The following CERS5 variants were observed in gnomAD, a reference collection of about 807,000 sequenced individuals.
CERS5 encodes the protein ceramide synthase 5.
Under a neutral mutation model 58.9 loss-of-function variants are expected in CERS5, and 37 were observed. The observed-to-expected ratio is 0.63, with a 90% CI of 0.48 to 0.83. The LOEUF is 0.83. CERS5 is among the 40% of genes least tolerant of loss of function. CERS5 has a pLI of 0.00. For synonymous variants in CERS5, 147 were observed against 177.8 expected (o/e 0.83, Z 1.38); for missense variants, 398 against 489.3 (o/e 0.81, Z 1.76).
chr12:50,135,107 AG>A (rs1951561076), intron 8 of CERS5, among the ~76,000 whole-genome samples: 1 of 116,872 alleles, frequency 8.6e-6, no homozygotes, highest in Admixed American at 9.9e-5. Flanking sequence ...GAGAGAGGAG[AG>A]GGAGGGAGGG....
chr12:50,165,642 T>C (rs1321468349), intron 1 of CERS5: 2 of 174,126 alleles, frequency 1.1e-5, no homozygotes, highest in Non-Finnish European at 2.5e-5. Flanking sequence ...TTTGAAAGAC[T>C]TGAGTCAAAA....
At chr12:50,153,247 TATA>T (rs1938169739) in intron 1 of CERS5, among the ~76,000 whole-genome samples, 1 of 150,152 alleles carries the variant, frequency 6.7e-6, no homozygotes, top group Non-Finnish European at 1.5e-5. Context: ...TGAGATTGGT[TATA>T]ATGAGATAAA....
At chr12:50,132,851 G>C (rs1202021036) in intron 9 of CERS5, 2 of 1,206,436 alleles carry the variant, frequency 1.7e-6, no homozygotes, top group Non-Finnish European at 2.1e-6. Context: ...AGTCAGGAGA[G>C]AGGGCATGCT....
intron 1 of CERS5, among the ~76,000 whole-genome samples, chr12:50,161,422 CTA>C (rs1304508251): frequency 3.3e-5 from 5 of 152,140 alleles, no homozygotes; most frequent in African/African-American, 9.7e-5. Flanking sequence ...CAAATAGAGA[CTA>C]TGTATCTAGG....
intron 1 of CERS5, among the ~76,000 whole-genome samples, chr12:50,160,136 C>G (rs1469908520): frequency 6.6e-6 from 1 of 151,310 alleles, no homozygotes; most frequent in Non-Finnish European, 1.5e-5. Flanking sequence ...AAAACCCCAT[C>G]TCTACTAAAA....
At chr12:50,165,821 C>A in intron 1 of CERS5, 1 of 366,342 alleles carries the variant, frequency 2.7e-6, no homozygotes, top group South Asian at 2.0e-5. Context: ...ACCCTCATTA[C>A]CTGAGGCCTA....
chr12:50,146,650 G>C (rs928755742), intron 1 of CERS5, among the ~76,000 whole-genome samples: 1 of 152,048 alleles, frequency 6.6e-6, no homozygotes, highest in African/African-American at 2.4e-5. Context: ...ACGAGGTCAG[G>C]AGATCGAGAC....
At chr12:50,143,293 C>T in intron 2 of CERS5, 89 bp from the exon 3 acceptor site, 1 of 1,458,398 alleles carries the variant, frequency 6.9e-7, no homozygotes, top group East Asian at 2.3e-5. Context: ...GGTATGATAG[C>T]CATAAGTGGC....
chr12:50,152,700 A>G (rs1336943813), intron 1 of CERS5, among the ~76,000 whole-genome samples: 3 of 152,198 alleles, frequency 2.0e-5, no homozygotes, highest in African/African-American at 4.8e-5. Context: ...CGCTTTTTCC[A>G]TAGAATACCA....
At chr12:50,149,174 C>T (rs1937662402) in intron 1 of CERS5, among the ~76,000 whole-genome samples, 1 of 151,888 alleles carries the variant, frequency 6.6e-6, no homozygotes. Flanking sequence ...ACAAATTATA[C>T]TTTTAGTGTG....
rs2138336987 is a variant in CERS5, at chr12:50,167,367, G to T, written c.-70C>A. Reference sequence around the variant, plus strand: ...CGCCACAGCCAACGGAACCCGCGGGGAGGCGGCCCCAGGGCGGGGCCCGGC... The same window carrying T: ...CGCCACAGCCAACGGAACCCGCGGGTAGGCGGCCCCAGGGCGGGGCCCGGC... On this transcript the variant is annotated 5_prime_UTR_variant, in exon 1 of 10. Transcript: ENST00000317551. The T allele has an allele frequency of 2.1e-6, 3 of 1,435,998 alleles. No homozygotes were observed. The highest frequency in any genetic ancestry group is 2.3e-4 in the Middle Eastern group (1 of 4,266). The allele number at this position is 1,435,998 out of a possible 1,614,324, so 89.0% of individuals were successfully genotyped here. A position where few individuals can be genotyped will look rare whatever the true frequency, so the allele number is the denominator to read the frequency against.
intron 1 of CERS5, chr12:50,144,576 C>T: frequency 2.5e-6 from 1 of 405,684 alleles, no homozygotes. Flanking sequence ...CTAAGCTCTT[C>T]CTGCATATAG....
At chr12:50,148,000 A>T (rs1952390262) in intron 1 of CERS5, among the ~76,000 whole-genome samples, 1 of 151,718 alleles carries the variant, frequency 6.6e-6, no homozygotes, top group African/African-American at 2.4e-5. Context: ...GGCCATTGCT[A>T]TTTTTAAATG....
intron 1 of CERS5, among the ~76,000 whole-genome samples, chr12:50,146,944 G>A (rs961099938): frequency 3.3e-5 from 5 of 151,950 alleles, no homozygotes; most frequent in African/African-American, 1.2e-4. Context: ...GATGTGATTG[G>A]AAAATAATCT....
intron 1 of CERS5, among the ~76,000 whole-genome samples, chr12:50,157,038 C>G (rs973735266): frequency 2.0e-5 from 3 of 152,232 alleles, no homozygotes; most frequent in African/African-American, 4.8e-5. Flanking sequence ...CACCCTTAAT[C>G]TGGGTGGGCA....
In CERS5 at chr12:50,157,855, A is replaced by C. The variant is rs531695056; in HGVS notation, c.197+9246T>G. 7.2e-5 allele frequency among the ~76,000 whole-genome samples: 11 copies of C among 152,222 alleles called. No individual in the cohort carries two copies. In the East Asian group the frequency reaches 2.1e-3, roughly 29 times the overall value. Reference sequence around the variant, plus strand: ...AAGGCCGAGGTGGAAGCATCACTTGAGCTCAGGAGTTCAAGACCAGCCATG... The same window carrying C: ...AAGGCCGAGGTGGAAGCATCACTTGCGCTCAGGAGTTCAAGACCAGCCATG... On this transcript the variant is annotated intron_variant, in intron 1 of 9. Coordinates refer to ENST00000317551, the MANE Select transcript of CERS5 (RefSeq NM_147190.5).
At chr12:50,155,128 G>A (rs540208361) in intron 1 of CERS5, among the ~76,000 whole-genome samples, 19 of 152,190 alleles carry the variant, frequency 1.2e-4, no homozygotes, top group African/African-American at 4.3e-4. Context: ...AAAGTGCTGG[G>A]ATTATAGGGG....
chr12:50,137,731 T>C lies in CERS5; in HGVS notation c.633A>G (p.Arg211=), dbSNP rs1247744525. 1.9e-6 allele frequency: 3 copies of C among 1,583,390 alleles called. No individual in the cohort carries two copies. Among genetic ancestry groups the C allele is most frequent in the Non-Finnish European group, 2.6e-6 (3 of 1,155,360 alleles). The change falls in exon 6 of 10, where the codon AGA becomes AGG. Residue 211 remains arginine, a synonymous_variant. Coordinates refer to ENST00000317551, the MANE Select transcript of CERS5 (RefSeq NM_147190.5). ...LMFSQFTDIK[R]KDFLIMFVHH... The stretch of plus-strand genomic sequence containing the variant: ...TTGAGGGAGCCAACGTCCTTACCTT[T>C]CTTTTAATGTCTGTAAACTGAGAAA...
intron 1 of CERS5, chr12:50,166,041 G>T (rs1939839568): frequency 4.7e-6 from 2 of 425,974 alleles, no homozygotes; most frequent in Non-Finnish European, 9.4e-6. Flanking sequence ...GCTGGCTCAA[G>T]GCCGGGTGCG....
Sources: allele counts gnomAD v4.1 joint callset (sites outside exome capture counted in the v4.1 genomes callset), GRCh38; gene constraint gnomAD v4.1.1; transcripts MANE v1.5; gene names NCBI Gene and HGNC (gene_info 2026-07-23, HGNC 2026-07-21).